Variants in CDH18 observed in about 807,000 individuals in gnomAD.
CDH18 encodes the protein cadherin-18.
Under a neutral mutation model 67.9 loss-of-function variants are expected in CDH18, and 31 were observed. That is an observed-to-expected ratio of 0.46 (90% CI 0.34 to 0.62). The LOEUF is 0.62. CDH18 is among the 20% of genes least tolerant of loss of function. CDH18 has a pLI of 0.01. For missense variants in CDH18, 890 were observed against 975.5 expected (o/e 0.91, Z 1.17); for synonymous variants, 362 against 347.2 (o/e 1.04, Z -0.48).
Position 20,440,578 on chromosome 5 carries a change from C to A in CDH18, c.-580+134884G>T, listed in dbSNP as rs937299507. On this transcript the variant is annotated intron_variant, in intron 1 of 14. Coordinates refer to the CDH18 transcript ENST00000507958. ...AATATCTGTAATCAGTCTAGCAGAA[C>A]TAATGTAAGAATTTGCAATGTGGAG... Among the ~76,000 whole-genome samples, 18 of 151,974 alleles carry A rather than the reference C, an allele frequency of 1.2e-4. 1 individual carries two copies. The highest frequency in any genetic ancestry group is 1.5e-5 in the Non-Finnish European group (1 of 68,012).
At chr5:20,301,582 A>C (rs556921459) in intron 1 of CDH18, among the ~76,000 whole-genome samples, 1 of 152,320 alleles carries the variant, frequency 6.6e-6, no homozygotes, top group Admixed American at 6.5e-5. Flanking sequence ...TCAGGGGTTT[A>C]GGAGTTTGCA....
chr5:20,050,477 A>C (rs7714598), intron 2 of CDH18, among the ~76,000 whole-genome samples: 12 of 151,680 alleles, frequency 7.9e-5, no homozygotes, highest in African/African-American at 2.9e-4. Context: ...ACAAATGTTT[A>C]AGCTCACATT....
At chr5:20,233,605 C>G (rs1742247058) in intron 2 of CDH18, among the ~76,000 whole-genome samples, 1 of 151,870 alleles carries the variant, frequency 6.6e-6, no homozygotes, top group African/African-American at 2.4e-5. Context: ...CATATGTACA[C>G]ACGCATGTAT....
At chr5:20,253,034 G>A (rs1476304689) in intron 2 of CDH18, among the ~76,000 whole-genome samples, 1 of 152,156 alleles carries the variant, frequency 6.6e-6, no homozygotes, top group African/African-American at 2.4e-5. Context: ...AGGGCTGGGA[G>A]GATAAGATGG....
chr5:20,507,553 T>C (rs1242459727), intron 1 of CDH18, among the ~76,000 whole-genome samples: 1 of 152,078 alleles, frequency 6.6e-6, no homozygotes, highest in Non-Finnish European at 1.5e-5. Flanking sequence ...AAGAAATAAC[T>C]GGAAAGAACT....
chr5:19,631,016 T>C (rs1175388447), intron 5 of CDH18, among the ~76,000 whole-genome samples: 3 of 151,984 alleles, frequency 2.0e-5, no homozygotes, highest in Non-Finnish European at 2.9e-5. Context: ...CTGCTTATTT[T>C]AATGCTCTTC....
At chr5:19,604,699 G>T (rs1372620961) in intron 6 of CDH18, among the ~76,000 whole-genome samples, 2 of 151,928 alleles carry the variant, frequency 1.3e-5, no homozygotes. Context: ...AAGTACTACT[G>T]CCATTTGAAT....
chr5:19,501,246 T>C (rs1743188278), intron 11 of CDH18, among the ~76,000 whole-genome samples: 1 of 144,966 alleles, frequency 6.9e-6, no homozygotes, highest in Admixed American at 6.8e-5. Context: ...TATATATATA[T>C]AATTTTAATT....
intron 1 of CDH18, among the ~76,000 whole-genome samples, chr5:20,508,365 A>ATG (rs1554011736): frequency 2.2e-4 from 27 of 122,666 alleles, no homozygotes; most frequent in Admixed American, 8.4e-5. Context: ...ATATATATAT[A>ATG]TGTATATTTA....
chr5:20,277,223 G>A (rs1745877483), intron 1 of CDH18, among the ~76,000 whole-genome samples: 1 of 152,128 alleles, frequency 6.6e-6, no homozygotes, highest in African/African-American at 2.4e-5. Flanking sequence ...CTGTCTTCAA[G>A]ATTCATCCAG....
intron 5 of CDH18, among the ~76,000 whole-genome samples, chr5:19,693,488 T>C (rs2150434657): frequency 6.6e-6 from 1 of 152,322 alleles, no homozygotes; most frequent in East Asian, 1.9e-4. Flanking sequence ...GCTCCACTCT[T>C]CATATATCCA....
intron 1 of CDH18, among the ~76,000 whole-genome samples, chr5:20,313,824 A>G (rs1239979599): frequency 2.0e-5 from 3 of 152,086 alleles, no homozygotes; most frequent in African/African-American, 2.4e-5. Context: ...TATGCACACA[A>G]TCATACACAC....
intron 2 of CDH18, among the ~76,000 whole-genome samples, chr5:19,939,791 T>C (rs1244410969): frequency 6.6e-6 from 1 of 151,852 alleles, no homozygotes; most frequent in Non-Finnish European, 1.5e-5. Context: ...GAGAACTCAA[T>C]AATAGTTCAT....
chr5:19,483,596 C>T, intron 11 of CDH18, 44 bp from the exon 12 acceptor site: 2 of 1,530,170 alleles, frequency 1.3e-6, no homozygotes, highest in South Asian at 1.3e-5. Context: ...AGTCAAGCCG[C>T]CATTCAAGAT....
intron 2 of CDH18, among the ~76,000 whole-genome samples, chr5:19,850,911 T>C (rs952716312): frequency 4.0e-5 from 6 of 151,878 alleles, no homozygotes; most frequent in African/African-American, 1.2e-4. Flanking sequence ...TGCTACTTTA[T>C]AGCTTTTAAC....
chr5:20,343,346 TA>T, intron 1 of CDH18, among the ~76,000 whole-genome samples: 1 of 152,090 alleles, frequency 6.6e-6, no homozygotes, highest in East Asian at 1.9e-4. Flanking sequence ...ATTTGAATTA[TA>T]AAAACAGAGA....
chr5:19,792,865 C>T (rs2149819242), intron 3 of CDH18, among the ~76,000 whole-genome samples: 1 of 152,256 alleles, frequency 6.6e-6, no homozygotes, highest in Admixed American at 6.5e-5. Context: ...TAGAACTTTA[C>T]TTCTACTTTA....
intron 9 of CDH18, among the ~76,000 whole-genome samples, chr5:19,530,271 C>A (rs1407759082): frequency 6.6e-6 from 1 of 151,824 alleles, no homozygotes; most frequent in African/African-American, 2.4e-5. Flanking sequence ...ATATATAAAA[C>A]ATGGCCCAAA....
intron 2 of CDH18, among the ~76,000 whole-genome samples, chr5:19,973,062 C>T (rs774944720): frequency 7.9e-5 from 12 of 151,616 alleles, no homozygotes; most frequent in Admixed American, 2.0e-4. Context: ...AAATAACTTA[C>T]GGTATATTTA....
Sources: allele counts gnomAD v4.1 joint callset (sites outside exome capture counted in the v4.1 genomes callset), GRCh38; gene constraint gnomAD v4.1.1; transcripts MANE v1.5; gene names NCBI Gene and HGNC (gene_info 2026-07-23, HGNC 2026-07-21).